SLC36A1: variants seen among roughly 807,000 people sequenced by gnomAD.
The protein encoded by SLC36A1 is solute carrier family 36 member 1, also known as proton-coupled amino acid transporter 1.
A neutral mutation model predicts 47.5 loss-of-function variants in SLC36A1; 30 were observed. That is an observed-to-expected ratio of 0.63 (90% CI 0.47 to 0.86). The LOEUF (loss-of-function observed/expected upper bound fraction) is 0.86. Ranked by LOEUF, SLC36A1 falls within the 40% of genes least tolerant of loss-of-function variation. The probability of loss-of-function intolerance (pLI) is 0.00; values close to 1 mark genes in which losing one functional copy is unlikely to be tolerated. For missense variants in SLC36A1, 517 were observed against 606.0 expected, an observed-to-expected ratio of 0.85 and a Z score of 1.54; for synonymous variants, 255 against 249.7, an observed-to-expected ratio of 1.02 and a Z score of -0.20.
the SLC36A1 span, chr5:151,521,874 G>T: frequency 6.2e-7 from 1 of 1,614,118 alleles, no homozygotes. Flanking sequence ...GCCTGCCCAG[G>T]GTCTCCTCTT....
chr5:151,546,371 C>T, the SLC36A1 span: 2 of 1,526,972 alleles, frequency 1.3e-6, no homozygotes, highest in Non-Finnish European at 9.0e-7. Context: ...AAGTTTGCCA[C>T]ACCCTCGACA....
chr5:151,531,796 A>G, the SLC36A1 span: 3 of 1,612,722 alleles, frequency 1.9e-6, no homozygotes, highest in African/African-American at 4.0e-5. This position sits in a 1 kb window ranked among gnomAD's most constrained non-coding sequence, Gnocchi z 5.7. Context: ...GACGGTGCCC[A>G]GCGTGGACAG....
At chr5:151,548,758 G>A in the SLC36A1 span, among the ~76,000 whole-genome samples, 1 of 152,204 alleles carries the variant, frequency 6.6e-6, no homozygotes, top group Non-Finnish European at 1.5e-5. Flanking sequence ...TAGGATTACA[G>A]GCGTGAGCCA....
At chr5:151,411,183 T>C in the SLC36A1 span, among the ~76,000 whole-genome samples, 1 of 144,852 alleles carries the variant, frequency 6.9e-6, no homozygotes, top group South Asian at 2.5e-4. Context: ...ATCCGTTGAT[T>C]CTCATCCATG....
At chr5:151,419,026 C>T in the SLC36A1 span, among the ~76,000 whole-genome samples, 1 of 152,124 alleles carries the variant, frequency 6.6e-6, no homozygotes, top group African/African-American at 2.4e-5. Context: ...GGGCTATTTA[C>T]CCCTTAACTT....
rs1759846813 is a variant in SLC36A1 at position 151,488,470 on chromosome 5, G to A, written c.*216G>A. ...CAGAAGTGCTACTAGTGACAGGGCT[G>A]CCATCGCTCACCTGTACCTATTTAC... On this transcript the variant is annotated 3_prime_UTR_variant, in exon 11 of 11. Coordinates refer to ENST00000243389, the MANE Select transcript of SLC36A1 (RefSeq NM_078483.4). 1.6e-6 allele frequency: 1 copy of A among 607,746 alleles called. No homozygotes were observed. Among genetic ancestry groups the A allele is most frequent in the Non-Finnish European group, 2.9e-6 (1 of 349,976 alleles). The allele number at this position is 607,746 out of a possible 1,614,324, so 37.6% of individuals were successfully genotyped here.
chr5:151,510,331 C>T, the SLC36A1 span: 15 of 789,648 alleles, frequency 1.9e-5, no homozygotes, highest in South Asian at 2.5e-4. Flanking sequence ...CATTGGTGCC[C>T]TGCTGAACCA....
At chr5:151,439,101 G>A (rs536963637) in intron 1 of SLC36A1, among the ~76,000 whole-genome samples, 37 of 146,210 alleles carry the variant, frequency 2.5e-4, no homozygotes, top group Admixed American at 2.3e-3. Context: ...AAGCAGGCAC[G>A]TCTTACATGG....
chr5:151,525,756 C>T, the SLC36A1 span: 4 of 1,614,006 alleles, frequency 2.5e-6, no homozygotes, highest in Non-Finnish European at 3.4e-6. Flanking sequence ...AGAAGCCTAG[C>T]ACAGCTCTCA....
At chr5:151,529,905 C>T in the SLC36A1 span, among the ~76,000 whole-genome samples, 1 of 152,182 alleles carries the variant, frequency 6.6e-6, no homozygotes, top group African/African-American at 2.4e-5. Flanking sequence ...AATAAAAGAA[C>T]AAGGATTTAT....
At chr5:151,453,531 T>C (rs1469977192) in intron 1 of SLC36A1, among the ~76,000 whole-genome samples, 1 of 152,146 alleles carries the variant, frequency 6.6e-6, no homozygotes, top group Non-Finnish European at 1.5e-5. Flanking sequence ...CATCTATTGA[T>C]CTTAATCCTC....
the SLC36A1 span, among the ~76,000 whole-genome samples, chr5:151,399,084 A>ATATATATATATATATATATTT: frequency 1.7e-5 from 1 of 60,036 alleles, no homozygotes; most frequent in African/African-American, 5.6e-5. Context: ...ATATATATAT[A>ATATATATATATATATATATTT]TTTTTTTTTT....
chr5:151,424,974 A>G, the SLC36A1 span, among the ~76,000 whole-genome samples: 7 of 152,226 alleles, frequency 4.6e-5, no homozygotes, highest in Non-Finnish European at 1.0e-4. Context: ...AATAAATTAT[A>G]TGGTGTATAA....
chr5:151,419,413 A>G, the SLC36A1 span, among the ~76,000 whole-genome samples: 2 of 152,348 alleles, frequency 1.3e-5, no homozygotes, highest in Admixed American at 6.5e-5. Context: ...ACCCATGTAC[A>G]CATCTTGAGT....
the SLC36A1 span, among the ~76,000 whole-genome samples, chr5:151,377,343 CTTTCTTTTT>C: frequency 1.3e-3 from 165 of 127,736 alleles, no homozygotes; most frequent in Non-Finnish European, 2.1e-3. Context: ...ATTGCTGTCT[CTTTCTTTTT>C]TTTTTTTTTT....
chr5:151,397,533 T>A, the SLC36A1 span, among the ~76,000 whole-genome samples: 1 of 152,122 alleles, frequency 6.6e-6, no homozygotes, highest in African/African-American at 2.4e-5. Context: ...ATGCCTGTAA[T>A]CCCAGCACTT....
At chr5:151,417,978 T>C in the SLC36A1 span, among the ~76,000 whole-genome samples, 1 of 152,262 alleles carries the variant, frequency 6.6e-6, no homozygotes, top group Admixed American at 6.5e-5. Context: ...CTTGGTGGCC[T>C]GCACCCCAGC....
chr5:151,532,608 G>A, the SLC36A1 span, among the ~76,000 whole-genome samples: 3 of 152,240 alleles, frequency 2.0e-5, no homozygotes, highest in African/African-American at 7.2e-5. Flanking sequence ...TTCCTATGGA[G>A]TCTATAATTA....
chr5:151,528,042 G>T, the SLC36A1 span: 8 of 1,614,178 alleles, frequency 5.0e-6, no homozygotes, highest in South Asian at 7.7e-5. Flanking sequence ...CCCCTTTTTG[G>T]GGTGAATGGT....
Sources: allele counts gnomAD v4.1 joint callset (sites outside exome capture counted in the v4.1 genomes callset), GRCh38; gene constraint gnomAD v4.1.1; non-coding constraint Gnocchi (gnomAD v3.1); transcripts MANE v1.5; gene names NCBI Gene and HGNC (gene_info 2026-07-23, HGNC 2026-07-21).